The following KCTD16 variants were observed in gnomAD, a reference collection of about 807,000 sequenced individuals.
The protein encoded by KCTD16 is potassium channel tetramerization domain containing 16.
A neutral mutation model predicts 33.2 loss-of-function variants in KCTD16; 13 were observed. That is an observed-to-expected ratio of 0.39 (90% CI 0.25 to 0.62). The LOEUF (loss-of-function observed/expected upper bound fraction) is 0.62, where lower values mean the gene tolerates loss of function less well. Among genes scored for constraint, KCTD16 ranks in the 20% least tolerant of loss-of-function variants. KCTD16 has a pLI of 0.50. For missense variants in KCTD16, 441 were observed against 525.1 expected (o/e 0.84, Z 1.57); for synonymous variants, 197 against 195.3 (o/e 1.01, Z -0.07).
intron 3 of KCTD16, among the ~76,000 whole-genome samples, chr5:144,417,927 G>C (rs1446755431): frequency 6.6e-6 from 1 of 152,188 alleles, no homozygotes; most frequent in African/African-American, 2.4e-5. Flanking sequence ...CTCACAGTGA[G>C]TGTTACAGTT....
chr5:144,221,354 G>A (rs1348999409), intron 3 of KCTD16, among the ~76,000 whole-genome samples: 1 of 152,092 alleles, frequency 6.6e-6, no homozygotes, highest in Non-Finnish European at 1.5e-5. Context: ...TGCCATGGTG[G>A]TTTGCTGCAC....
chr5:144,181,261 T>G (rs1752619064), intron 2 of KCTD16, among the ~76,000 whole-genome samples: 1 of 152,226 alleles, frequency 6.6e-6, no homozygotes, highest in Admixed American at 6.5e-5. Flanking sequence ...GCAAAGATTT[T>G]CAAATATTTT....
chr5:144,369,441 C>T (rs940048653), intron 3 of KCTD16: 3 of 152,062 alleles, frequency 2.0e-5, no homozygotes, highest in Admixed American at 1.3e-4. Context: ...CTCTCTGAAC[C>T]CCAACCTGTA....
At chr5:144,298,915 C>T (rs1385536661) in intron 3 of KCTD16, among the ~76,000 whole-genome samples, 1 of 149,668 alleles carries the variant, frequency 6.7e-6, no homozygotes, top group Non-Finnish European at 1.5e-5. Flanking sequence ...ATGAATTTAG[C>T]CTCTCCAGGC....
Position 144,484,782 on chromosome 5 carries a change from T to G in KCTD16, c.*10668T>G, listed in dbSNP as rs1388790785. 1 of 152,026 alleles carries G rather than the reference T, an allele frequency of 6.6e-6. No homozygotes were observed. Among genetic ancestry groups the G allele is most frequent in the Non-Finnish European group, 1.5e-5 (1 of 67,948 alleles). The allele number at this position is 152,026 out of a possible 1,614,324, so 9.4% of individuals were successfully genotyped here. A position where few individuals can be genotyped will look rare whatever the true frequency, so the allele number is the denominator to read the frequency against. ...CTTGGGTCAGTTTGTTGCACATTGA[T>G]GAATAACAAGTGACACCCAATGAAA... On this transcript the variant is annotated 3_prime_UTR_variant, in exon 4 of 4. Transcript: ENST00000512467.
intron 3 of KCTD16, chr5:144,384,437 A>G (rs1752280895): frequency 6.6e-6 from 1 of 152,242 alleles, no homozygotes; most frequent in Non-Finnish European, 1.5e-5. Flanking sequence ...TGCTGCTGAA[A>G]TATACTAATA....
intron 3 of KCTD16, among the ~76,000 whole-genome samples, chr5:144,384,909 G>T (rs1254644308): frequency 6.6e-6 from 1 of 152,144 alleles, no homozygotes; most frequent in Non-Finnish European, 1.5e-5. Flanking sequence ...TAATCTGTAG[G>T]ATGACCCCTT....
intron 3 of KCTD16, among the ~76,000 whole-genome samples, chr5:144,214,962 T>C (rs553703220): frequency 6.6e-6 from 1 of 152,328 alleles, no homozygotes; most frequent in East Asian, 1.9e-4. Flanking sequence ...TTTTAAAAGT[T>C]CTTACTGCAA....
intron 3 of KCTD16, among the ~76,000 whole-genome samples, chr5:144,220,940 CAAA>C (rs748978902): frequency 1.0e-5 from 1 of 99,606 alleles, no homozygotes; most frequent in South Asian, 3.2e-4. Context: ...GACTACGTCT[CAAA>C]AAAAAAAAAG....
chr5:144,191,447 C>T lies in KCTD16; in HGVS notation c.-326-14942C>T, dbSNP rs143270966. Among the ~76,000 whole-genome samples the T allele has an allele frequency of 1.5e-3, 224 of 150,318 alleles. 1 individual carries two copies. Among genetic ancestry groups the T allele is most frequent in the African/African-American group, 5.0e-3 (208 of 41,304 alleles). On this transcript the variant is annotated intron_variant, in intron 2 of 3. Coordinates refer to ENST00000512467, the MANE Select transcript of KCTD16 (RefSeq NM_020768.4). ...CAACTGCTGCTCCCCTCCATATACCCCCTGACACACTTACACACATATTTT... is the reference window on the plus strand; with the variant it reads ...CAACTGCTGCTCCCCTCCATATACCTCCTGACACACTTACACACATATTTT...
In KCTD16 at chr5:144,395,276, G is replaced by T. The variant is rs144086400; in HGVS notation, c.833-78384G>T. ...TCAGTTATCGATTTCTTTTTTCACA[G>T]ATAAGCATGGGGAGGCGATATGTCC... On this transcript the variant is annotated intron_variant, in intron 3 of 3. Coordinates refer to ENST00000512467, the MANE Select transcript of KCTD16 (RefSeq NM_020768.4). 9.2e-5 allele frequency among the ~76,000 whole-genome samples: 14 copies of T among 152,244 alleles called. No homozygotes were observed. In the East Asian group the frequency reaches 2.7e-3, roughly 29 times the overall value.
At chr5:144,195,787 T>G (rs1283303101) in intron 2 of KCTD16, among the ~76,000 whole-genome samples, 1 of 152,228 alleles carries the variant, frequency 6.6e-6, no homozygotes, top group East Asian at 1.9e-4. Context: ...TAATGCAAAG[T>G]GGCACTTTCT....
intron 3 of KCTD16, among the ~76,000 whole-genome samples, chr5:144,429,459 C>T (rs1441103753): frequency 3.9e-5 from 6 of 151,980 alleles, no homozygotes; most frequent in Non-Finnish European, 8.8e-5. Context: ...TTTATTTGAG[C>T]GACCCAAGAT....
At chr5:144,279,909 C>T (rs1755552197) in intron 3 of KCTD16, among the ~76,000 whole-genome samples, 1 of 152,088 alleles carries the variant, frequency 6.6e-6, no homozygotes, top group Admixed American at 6.5e-5. Flanking sequence ...ATTTTTTCCC[C>T]CATCTATTGA....
chr5:144,339,499 C>G (rs1292650385), intron 3 of KCTD16, among the ~76,000 whole-genome samples: 1 of 152,136 alleles, frequency 6.6e-6, no homozygotes, highest in Non-Finnish European at 1.5e-5. Context: ...AATGTCTCAA[C>G]GTTTATGGAA....
rs1406052175 is a variant in KCTD16 at position 144,485,213 on chromosome 5, C to G, written c.*11099C>G. On this transcript the variant is annotated 3_prime_UTR_variant, in exon 4 of 4. Transcript: ENST00000512467. ...ATAGAAAATGCTACTACTAATTGTC[C>G]CAATGGAATTGCACATCATTTTGGC... 6.6e-6 allele frequency: 1 copy of G among 151,722 alleles called. No homozygotes were observed. Among genetic ancestry groups the G allele is most frequent in the East Asian group, 1.9e-4 (1 of 5,138 alleles). The allele number at this position is 151,722 out of a possible 1,614,324, so 9.4% of individuals were successfully genotyped here. A position where few individuals can be genotyped will look rare whatever the true frequency, so the allele number is the denominator to read the frequency against.
At chr5:144,246,293 T>A (rs966725356) in intron 3 of KCTD16, among the ~76,000 whole-genome samples, 2 of 152,150 alleles carry the variant, frequency 1.3e-5, no homozygotes, top group African/African-American at 4.8e-5. Context: ...CTGAATATAA[T>A]TCCAGGTAAC....
intron 3 of KCTD16, among the ~76,000 whole-genome samples, chr5:144,389,658 C>T (rs1330702889): frequency 1.3e-5 from 1 of 76,176 alleles, no homozygotes; most frequent in African/African-American, 5.6e-5. Context: ...AAACCATCCC[C>T]ACCTGGCCCA....
rs1431578534 is a variant in KCTD16, at chr5:144,474,117, G to C, written c.*3G>C. Reference sequence around the variant, plus strand: ...TTTTAAGGAAGTATCATCTATAAGGGAGGGCTGGGGGCGGGAAAAGAAAAA... The same window carrying C: ...TTTTAAGGAAGTATCATCTATAAGGCAGGGCTGGGGGCGGGAAAAGAAAAA... On this transcript the variant is annotated 3_prime_UTR_variant, in exon 4 of 4. Transcript: ENST00000512467. The C allele has an allele frequency of 6.4e-7, 1 of 1,560,058 alleles. No homozygotes were observed. The highest frequency in any genetic ancestry group is 8.7e-7 in the Non-Finnish European group (1 of 1,148,526).
Sources: gnomAD v4.1 joint callset for allele counts (sites outside exome capture counted in the v4.1 genomes callset) on GRCh38, gnomAD v4.1.1 for gene constraint, MANE v1.5 for transcripts, NCBI Gene and HGNC (gene_info 2026-07-23, HGNC 2026-07-21) for gene names.